Variants in ERBB4 observed in about 807,000 individuals in gnomAD.
ERBB4 encodes receptor tyrosine-protein kinase erbB-4.
A neutral mutation model predicts 158.0 loss-of-function variants in ERBB4; 42 were observed. The ratio of observed to expected loss-of-function variants is 0.27; its 90% CI spans 0.21 to 0.34. The LOEUF (loss-of-function observed/expected upper bound fraction) is 0.34. Ranked by LOEUF, ERBB4 falls within the 10% of genes least tolerant of loss-of-function variation. The pLI is 1.00. For missense variants in ERBB4, 1,333 were observed against 1,624.1 expected (o/e 0.82, Z 3.08); for synonymous variants, 583 against 558.7 (o/e 1.04, Z -0.61).
At chr2:211,861,049 T>A (rs192584214) in intron 3 of ERBB4, among the ~76,000 whole-genome samples, 298 of 9,046 alleles carry the variant, frequency 0.033, 41 homozygotes, top group African/African-American at 0.12. Flanking sequence ...ATTTATATAT[T>A]TATATATATA....
intron 20 of ERBB4, among the ~76,000 whole-genome samples, chr2:211,493,024 T>A (rs527671810): frequency 2.3e-4 from 35 of 152,246 alleles, no homozygotes; most frequent in African/African-American, 8.2e-4. Flanking sequence ...TATATGTCAT[T>A]AATGATTTCA....
At chr2:212,162,152 A>G (rs1275110455) in intron 1 of ERBB4, among the ~76,000 whole-genome samples, 2 of 151,900 alleles carry the variant, frequency 1.3e-5, no homozygotes, top group Non-Finnish European at 2.9e-5. Flanking sequence ...TTCATAGCAC[A>G]TTATAAATAA....
intron 4 of ERBB4, among the ~76,000 whole-genome samples, chr2:211,753,427 G>A (rs1179226599): frequency 3.3e-5 from 5 of 152,168 alleles, no homozygotes; most frequent in Admixed American, 2.0e-4. Flanking sequence ...AAACAGAGAA[G>A]TTTATCACCT....
intron 3 of ERBB4, among the ~76,000 whole-genome samples, chr2:211,830,170 C>T (rs1282979603): frequency 6.6e-6 from 1 of 152,190 alleles, no homozygotes. Flanking sequence ...TATTTGTTTA[C>T]TTATTGACTA....
chr2:212,140,581 C>G (rs1436880970), intron 1 of ERBB4, among the ~76,000 whole-genome samples: 2 of 149,390 alleles, frequency 1.3e-5, no homozygotes, highest in African/African-American at 4.9e-5. Context: ...TATGCCATTT[C>G]TTTATAGAAA....
In ERBB4 at chr2:212,107,160, G is replaced by A. The variant is rs116120694; in HGVS notation, c.234+17592C>T. On this transcript the variant is annotated intron_variant, in intron 2 of 27. Coordinates refer to ENST00000342788, the MANE Select transcript of ERBB4 (RefSeq NM_005235.3). ...CACCAATGACTTGCACCATGCACCTGGAAAAGCCACAGACACTCAGTGCCA... is the reference window on the plus strand; with the variant it reads ...CACCAATGACTTGCACCATGCACCTAGAAAAGCCACAGACACTCAGTGCCA... 4.3e-3 allele frequency among the ~76,000 whole-genome samples: 660 copies of A among 152,278 alleles called. 3 individuals carry two copies. The highest frequency in any genetic ancestry group is 0.015 in the African/African-American group (631 of 41,566).
rs1426231885 is a variant in ERBB4, at chr2:212,376,449, G to A, written c.82+162000C>T. ...CTTCTACTTATTATGAGAATGTCTT[G>A]AGAAGGTTAGCCAAAGCTTGAGCAG... On this transcript the variant is annotated intron_variant, in intron 1 of 27. Coordinates refer to ENST00000342788, the MANE Select transcript of ERBB4 (RefSeq NM_005235.3). 2.0e-5 allele frequency among the ~76,000 whole-genome samples: 3 copies of A among 151,996 alleles called. No homozygotes were observed. The East Asian group carries it at 5.8e-4, about 29-fold the overall frequency.
chr2:212,304,637 CTGGACCAGAATCTAATGA>C (rs1185690098), intron 1 of ERBB4, among the ~76,000 whole-genome samples: 4 of 151,604 alleles, frequency 2.6e-5, no homozygotes, highest in Admixed American at 6.6e-5. Context: ...TAAATCAGAA[CTGGACCAGAATCTAATGA>C]TGCCACAAGG....
intron 3 of ERBB4, among the ~76,000 whole-genome samples, chr2:211,933,563 G>C (rs1004778393): frequency 6.6e-6 from 1 of 151,966 alleles, no homozygotes; most frequent in African/African-American, 2.4e-5. Flanking sequence ...CAATGAAAAT[G>C]TATACCTAAA....
At chr2:212,065,254 T>A (rs960522613) in intron 2 of ERBB4, among the ~76,000 whole-genome samples, 3 of 152,036 alleles carry the variant, frequency 2.0e-5, no homozygotes, top group African/African-American at 7.2e-5. Flanking sequence ...CTAGTATGAA[T>A]AGAAAATTAT....
chr2:212,321,649 A>G (rs942314721), intron 1 of ERBB4, among the ~76,000 whole-genome samples: 1 of 150,684 alleles, frequency 6.6e-6, no homozygotes, highest in Admixed American at 6.6e-5. Flanking sequence ...GGATTGTACC[A>G]TTGCACTCCA....
chr2:212,324,125 A>C (rs1417934706), intron 1 of ERBB4, among the ~76,000 whole-genome samples: 1 of 150,730 alleles, frequency 6.6e-6, no homozygotes, highest in East Asian at 1.9e-4. Context: ...GCAGCATGCT[A>C]TCACAGTTGC....
At chr2:211,858,913 C>A (rs2077941494) in intron 3 of ERBB4, among the ~76,000 whole-genome samples, 1 of 152,122 alleles carries the variant, frequency 6.6e-6, no homozygotes, top group Non-Finnish European at 1.5e-5. Context: ...TCCCGAGTAG[C>A]TGGGATTACA....
chr2:211,782,196 T>G (rs995315511), intron 4 of ERBB4, among the ~76,000 whole-genome samples: 7 of 151,904 alleles, frequency 4.6e-5, no homozygotes, highest in Non-Finnish European at 4.4e-5. Flanking sequence ...TTCATAAAAC[T>G]TTCAGAACCA....
At chr2:211,990,368 A>T (rs1482219604) in intron 2 of ERBB4, among the ~76,000 whole-genome samples, 1 of 152,002 alleles carries the variant, frequency 6.6e-6, no homozygotes, top group African/African-American at 2.4e-5. Flanking sequence ...TTATTTTTTC[A>T]TACAGCACTA....
At chr2:211,525,770 C>T (rs1366951543) in intron 20 of ERBB4, among the ~76,000 whole-genome samples, 1 of 152,076 alleles carries the variant, frequency 6.6e-6, no homozygotes, top group Non-Finnish European at 1.5e-5. Context: ...GACCGAAGAG[C>T]TTTGGGGCCT....
At position 211,705,291 on chromosome 2, in the gene ERBB4, C is replaced by T. The variant is rs369765978; in HGVS notation, c.1198+27G>A. ...TTTAAAAAAATTATATTGTTCATAGCGCAACAGTTGCAGTTTAAAAAATTA... is the reference window on the plus strand; with the variant it reads ...TTTAAAAAAATTATATTGTTCATAGTGCAACAGTTGCAGTTTAAAAAATTA... On this transcript the variant is annotated intron_variant, in intron 10 of 27. Coordinates refer to ENST00000342788, the MANE Select transcript of ERBB4 (RefSeq NM_005235.3). 3.9e-5 allele frequency: 58 copies of T among 1,470,438 alleles called. No homozygotes were observed. The Middle Eastern group carries it at 6.9e-4, about 18-fold the overall frequency. The allele number at this position is 1,470,438 out of a possible 1,614,324, so 91.1% of individuals were successfully genotyped here. A position where few individuals can be genotyped will look rare whatever the true frequency, so the allele number is the denominator to read the frequency against.
chr2:212,367,493 T>A (rs1374585024), intron 1 of ERBB4, among the ~76,000 whole-genome samples: 1 of 152,054 alleles, frequency 6.6e-6, no homozygotes, highest in Non-Finnish European at 1.5e-5. Context: ...TTCTAGAAGA[T>A]AACATTGGAA....
intron 20 of ERBB4, among the ~76,000 whole-genome samples, chr2:211,448,088 T>G (rs1471044744): frequency 6.6e-6 from 1 of 152,116 alleles, no homozygotes; most frequent in Non-Finnish European, 1.5e-5. Context: ...TTCTCCTGCT[T>G]CAGCCTCCCC....
Sources: gnomAD v4.1 joint callset for allele counts (sites outside exome capture counted in the v4.1 genomes callset) on GRCh38, gnomAD v4.1.1 for gene constraint, MANE v1.5 for transcripts, NCBI Gene and HGNC (gene_info 2026-07-23, HGNC 2026-07-21) for gene names.